Variants in PAPOLG observed in about 807,000 individuals in gnomAD.
The protein encoded by PAPOLG is PAP-gamma.
Under a neutral mutation model 99.0 loss-of-function variants are expected in PAPOLG, and 40 were observed. The ratio of observed to expected loss-of-function variants is 0.40; its 90% confidence interval spans 0.31 to 0.53. The LOEUF is 0.53. PAPOLG is among the 20% of genes least tolerant of loss of function. The pLI, the probability that PAPOLG is intolerant of heterozygous loss-of-function variation, is 0.41. For synonymous variants in PAPOLG, 310 were observed against 299.3 expected (o/e 1.04, Z -0.37); for missense variants, 675 against 884.1 (o/e 0.76, Z 3.00).
intron 8 of PAPOLG, 185 bp from the exon 9 acceptor site, chr2:60,779,452 G>T (rs1162487090): frequency 3.5e-6 from 2 of 573,396 alleles, no homozygotes; most frequent in Non-Finnish European, 5.9e-6. Flanking sequence ...TGGGCCTAAT[G>T]TGAAGGTCTG....
At chr2:60,769,012 A>G in intron 5 of PAPOLG, 122 bp downstream of exon 5, 1 of 717,002 alleles carries the variant, frequency 1.4e-6, no homozygotes, top group Non-Finnish European at 2.2e-6. Context: ...TAATAAGAGT[A>G]GCTTTAATAA....
chr2:60,782,569 A>G, intron 11 of PAPOLG, 117 bp from the exon 12 acceptor site: 1 of 1,349,622 alleles, frequency 7.4e-7, no homozygotes, highest in South Asian at 1.6e-5. Flanking sequence ...AAAAAGAAAA[A>G]AAAAAATTTC....
chr2:60,796,342 T>C (rs1287756006), intron 21 of PAPOLG, among the ~76,000 whole-genome samples: 4 of 151,754 alleles, frequency 2.6e-5, no homozygotes, highest in African/African-American at 7.3e-5. Context: ...TTTCACCATA[T>C]TGGCCAGGCT....
chr2:60,787,404 A>G, intron 14 of PAPOLG, 107 bp from the exon 15 acceptor site: 1 of 1,344,710 alleles, frequency 7.4e-7, no homozygotes, highest in African/African-American at 1.5e-5. Flanking sequence ...TGAAATCTGT[A>G]TTTGTGAGAT....
chr2:60,786,276 G>T (rs1671359380), intron 13 of PAPOLG, among the ~76,000 whole-genome samples: 1 of 152,000 alleles, frequency 6.6e-6, no homozygotes, highest in African/African-American at 2.4e-5. Context: ...TGTCACCCAG[G>T]CTGGAGTGCA....
intron 1 of PAPOLG, among the ~76,000 whole-genome samples, chr2:60,759,685 T>A (rs2103753561): frequency 6.6e-6 from 1 of 152,376 alleles, no homozygotes; most frequent in African/African-American, 2.4e-5. Context: ...TCTAATGGGA[T>A]GTTTTCATTT....
rs908248686 is a variant in PAPOLG at position 60,797,662 on chromosome 2, A to T, written c.*502A>T. The T allele has an allele frequency of 6.5e-6, 1 of 153,176 alleles. No homozygotes were observed. The highest frequency in any genetic ancestry group is 1.5e-5 in the Non-Finnish European group (1 of 68,314). The allele number at this position is 153,176 out of a possible 1,614,324, so 9.5% of individuals were successfully genotyped here. A position where few individuals can be genotyped will look rare whatever the true frequency, so the allele number is the denominator to read the frequency against. Reference sequence around the variant, plus strand: ...TGAAGCCACTTTGAAACCTGAGATAAATGAATGTGAGGTATCTTTTCTGCT... The same window carrying T: ...TGAAGCCACTTTGAAACCTGAGATATATGAATGTGAGGTATCTTTTCTGCT... On this transcript the variant is annotated 3_prime_UTR_variant, in exon 22 of 22. Transcript: ENST00000238714.
intron 6 of PAPOLG, among the ~76,000 whole-genome samples, chr2:60,770,951 T>G (rs890584126): frequency 1.3e-4 from 20 of 152,222 alleles, no homozygotes; most frequent in Non-Finnish European, 2.6e-4. Flanking sequence ...GAATACTATT[T>G]TATTCTTTAA....
intron 3 of PAPOLG, among the ~76,000 whole-genome samples, chr2:60,763,251 T>C (rs1670575768): frequency 6.6e-6 from 1 of 151,860 alleles, no homozygotes. Context: ...TTATTTTGTT[T>C]ATTATTTTTT....
At chr2:60,763,608 A>G (rs1670586095) in intron 3 of PAPOLG, among the ~76,000 whole-genome samples, 1 of 151,692 alleles carries the variant, frequency 6.6e-6, no homozygotes, top group Non-Finnish European at 1.5e-5. Flanking sequence ...GGTTCAAACG[A>G]TTCTCCTGTC....
At chr2:60,770,948 AT>A (rs749526004) in intron 6 of PAPOLG, among the ~76,000 whole-genome samples, 1 of 152,144 alleles carries the variant, frequency 6.6e-6, no homozygotes, top group South Asian at 2.1e-4. Context: ...TAAGAATACT[AT>A]TTTATTCTTT....
At chr2:60,796,167 C>G (rs1351685087) in intron 21 of PAPOLG, among the ~76,000 whole-genome samples, 1 of 139,902 alleles carries the variant, frequency 7.1e-6, no homozygotes, top group East Asian at 2.2e-4. Flanking sequence ...CATCTCTTGA[C>G]AAGAAACTAT....
At chr2:60,785,752 G>A (rs553190978) in intron 13 of PAPOLG, among the ~76,000 whole-genome samples, 20 of 147,700 alleles carry the variant, frequency 1.4e-4, no homozygotes, top group South Asian at 8.5e-4. Flanking sequence ...AGGTGATCTC[G>A]AACTCCTGGC....
chr2:60,759,107 G>A (rs936221378), intron 1 of PAPOLG, among the ~76,000 whole-genome samples: 1 of 152,002 alleles, frequency 6.6e-6, no homozygotes, highest in Non-Finnish European at 1.5e-5. Context: ...GGGGGCTCAC[G>A]CCTGTGATCC....
chr2:60,767,327 T>A (rs899845490), intron 3 of PAPOLG, among the ~76,000 whole-genome samples: 1 of 151,112 alleles, frequency 6.6e-6, no homozygotes, highest in Non-Finnish European at 1.5e-5. Context: ...GAAAATTAGC[T>A]TTTTTTTCTT....
chr2:60,781,758 G>T lies in PAPOLG; in HGVS notation c.907-127G>T, dbSNP rs995428511. On this transcript the variant is annotated intron_variant, in intron 10 of 21. Coordinates refer to ENST00000238714, the MANE Select transcript of PAPOLG (RefSeq NM_022894.4). ...ATAAATGCAGTTGGGGAGGGAAAAT[G>T]TACTTCTTAAACTTGAGGAAATGTA... 3 of 1,286,640 alleles carry T rather than the reference G, an allele frequency of 2.3e-6. No individual in the cohort carries two copies. The African/African-American group carries it at 4.5e-5, about 19-fold the overall frequency. 79.7% of individuals were successfully genotyped at this position (1,286,640 alleles called of 1,614,324 possible).
At position 60,800,850 on chromosome 2, in the gene PAPOLG, C is replaced by T. The variant is rs370166950; in HGVS notation, c.*3690C>T. 232 of 152,372 alleles carry T rather than the reference C, an allele frequency of 1.5e-3. No homozygotes were observed. The highest frequency in any genetic ancestry group is 1.9e-3 in the Non-Finnish European group (128 of 68,020). 9.4% of individuals were successfully genotyped at this position (152,372 alleles called of 1,614,324 possible). On this transcript the variant is annotated 3_prime_UTR_variant, in exon 22 of 22. Transcript: ENST00000238714. ...TCCTGGAATATTATATAATTTTCTA[C>T]TTTTGATTTTGCTGTGGTATATTTC... is the stretch of plus-strand genomic sequence containing the variant.
chr2:60,767,728 T>A (rs1359153531), intron 3 of PAPOLG, among the ~76,000 whole-genome samples: 1 of 152,226 alleles, frequency 6.6e-6, no homozygotes, highest in African/African-American at 2.4e-5. Context: ...ATCAAGAAAT[T>A]AAACATACCT....
At chr2:60,763,054 A>C (rs1352563014) in intron 3 of PAPOLG, among the ~76,000 whole-genome samples, 1 of 151,170 alleles carries the variant, frequency 6.6e-6, no homozygotes, top group African/African-American at 2.4e-5. Context: ...GGCTTGAGCC[A>C]CCACGCCCAA....
Sources: gnomAD v4.1 joint callset for allele counts (sites outside exome capture counted in the v4.1 genomes callset) on GRCh38, gnomAD v4.1.1 for gene constraint, MANE v1.5 for transcripts, NCBI Gene and HGNC (gene_info 2026-07-23, HGNC 2026-07-21) for gene names.